Variants in HIGD1A observed in about 807,000 individuals in gnomAD.
HIGD1A encodes HIG1 domain family member 1A, mitochondrial.
In HIGD1A, 8 loss-of-function variants were observed where a neutral mutation model predicts 11.3. The ratio of observed to expected loss-of-function variants is 0.71; its 90% CI spans 0.42 to 1.28. HIGD1A has a LOEUF of 1.28. Among genes scored for constraint, HIGD1A ranks in the 50% most tolerant of loss-of-function variants. The pLI, the probability that HIGD1A is intolerant of heterozygous loss-of-function variation, is 0.01. For missense variants in HIGD1A, 107 were observed against 118.8 expected (o/e 0.90, Z 0.46); for synonymous variants, 32 against 38.4 (o/e 0.83, Z 0.62).
Position 42,784,651 on chromosome 3 carries a change from C to CA in HIGD1A, c.*619dup, listed in dbSNP as rs1700326989. 1 of 152,548 alleles carries CA rather than the reference C, an allele frequency of 6.6e-6. No individual in the cohort carries two copies. The highest frequency in any genetic ancestry group is 2.4e-5 in the African/African-American group (1 of 41,412). 9.4% of individuals were successfully genotyped at this position (152,548 alleles called of 1,614,324 possible). A position where few individuals can be genotyped will look rare whatever the true frequency, so the allele number is the denominator to read the frequency against. On this transcript the variant is annotated 3_prime_UTR_variant, in exon 4 of 4. Coordinates refer to ENST00000321331, the MANE Select transcript of HIGD1A (RefSeq NM_014056.4). Reference sequence around the variant, plus strand: ...GCAGCAAAAATATAATTTGCAATTACAAAAAACTAAACTAGAATCCTTAAA... The same window carrying CA: ...GCAGCAAAAATATAATTTGCAATTACAAAAAAACTAAACTAGAATCCTTAAA...
chr3:42,800,998 A>C (rs1390047253), intron 1 of HIGD1A, among the ~76,000 whole-genome samples: 1 of 152,160 alleles, frequency 6.6e-6, no homozygotes, highest in African/African-American at 2.4e-5. Context: ...TAAATCGTCC[A>C]AATTCTTTTC....
At chr3:42,786,204 G>A in intron 2 of HIGD1A, 42 bp from the exon 3 acceptor site, 4 of 1,604,600 alleles carry the variant, frequency 2.5e-6, no homozygotes, top group Non-Finnish European at 3.4e-6. Flanking sequence ...CATGAGAAGG[G>A]ACCAAGATGA....
chr3:42,791,902 A>G (rs905830793), intron 2 of HIGD1A, among the ~76,000 whole-genome samples: 8 of 152,244 alleles, frequency 5.3e-5, no homozygotes, highest in African/African-American at 1.9e-4. Flanking sequence ...GGGAATATAC[A>G]ACCAAAAAAT....
At chr3:42,785,937 TA>T in intron 3 of HIGD1A, 90 bp downstream of exon 3, 1 of 1,201,644 alleles carries the variant, frequency 8.3e-7, no homozygotes, top group Non-Finnish European at 1.2e-6. Flanking sequence ...CTCCAACTGC[TA>T]AAAGGTCAGC....
intron 2 of HIGD1A, among the ~76,000 whole-genome samples, chr3:42,790,536 A>G (rs1280891892): frequency 6.6e-6 from 1 of 152,228 alleles, no homozygotes; most frequent in African/African-American, 2.4e-5. Flanking sequence ...CCGTCTCGAA[A>G]GAAAGAAAGA....
intron 2 of HIGD1A, among the ~76,000 whole-genome samples, chr3:42,789,813 C>T (rs1055640182): frequency 3.3e-5 from 5 of 151,994 alleles, no homozygotes; most frequent in Non-Finnish European, 7.4e-5. Context: ...CTTCGACCTC[C>T]CAGGCTCAAG....
chr3:42,801,270 C>G (rs1700557140), intron 1 of HIGD1A, among the ~76,000 whole-genome samples: 1 of 152,226 alleles, frequency 6.6e-6, no homozygotes. Flanking sequence ...TGGGTGCCAC[C>G]ATACTGGACT....
In HIGD1A at chr3:42,786,042, C is replaced by G; in HGVS notation, c.218G>C (p.Gly73Ala). The change falls in exon 3 of 4, where the codon GGA becomes GCA. Residue 73 changes from glycine to alanine, a missense_variant. By Grantham distance (60) the Gly-to-Ala change is moderately conservative (BLOSUM62 0). Coordinates refer to ENST00000321331, the MANE Select transcript of HIGD1A (RefSeq NM_014056.4). The part of the protein sequence containing the change: ...MRVAAQGFVV[G>A]AMTVGMGYSM... The stretch of plus-strand genomic sequence containing the variant: ...TAGGAACCTACCAACAGTCATTGCT[C>G]CTACAACAAAGCCTTGGGCTGCCAC... 1 of 1,612,624 alleles carries G rather than the reference C, an allele frequency of 6.2e-7. No homozygotes were observed. The highest frequency in any genetic ancestry group is 8.5e-7 in the Non-Finnish European group (1 of 1,179,962).
intron 1 of HIGD1A, among the ~76,000 whole-genome samples, chr3:42,800,566 CA>C (rs1436787857): frequency 6.6e-6 from 1 of 151,398 alleles, no homozygotes; most frequent in African/African-American, 2.4e-5. Flanking sequence ...TAACTCCTCC[CA>C]TTTTTTTTTT....
intron 1 of HIGD1A, among the ~76,000 whole-genome samples, chr3:42,795,219 CTTT>C (rs5848631): frequency 2.2e-4 from 28 of 127,594 alleles, no homozygotes; most frequent in Admixed American, 4.7e-4. Context: ...TTATGATTAG[CTTT>C]TTTTTTTTTT....
At chr3:42,790,488 G>A (rs2125924663) in intron 2 of HIGD1A, among the ~76,000 whole-genome samples, 1 of 152,282 alleles carries the variant, frequency 6.6e-6, no homozygotes, top group African/African-American at 2.4e-5. Flanking sequence ...AGCTGAGATT[G>A]TGCCACTGCA....
At chr3:42,803,311 C>A (rs1700593077) in intron 1 of HIGD1A, among the ~76,000 whole-genome samples, 1 of 152,208 alleles carries the variant, frequency 6.6e-6, no homozygotes, top group Admixed American at 6.5e-5. Flanking sequence ...AATGAAGGAT[C>A]TTTCTTCACA....
chr3:42,794,674 T>C (rs150096617), intron 1 of HIGD1A, among the ~76,000 whole-genome samples: 9 of 152,340 alleles, frequency 5.9e-5, no homozygotes, highest in South Asian at 4.1e-4. Context: ...ACAACTCCTA[T>C]TGAACCTTCA....
chr3:42,786,177 A>C lies in HIGD1A; in HGVS notation c.98-15T>G. On this transcript the variant is annotated splice_polypyrimidine_tract_variant and intron_variant, in intron 2 of 3. Coordinates refer to ENST00000321331, the MANE Select transcript of HIGD1A (RefSeq NM_014056.4). ...ACCCGCTATTCCTGTAAAACAAAGT[A>C]ACAAGTATGTCAGATGCATGAGAAG... 1 of 1,613,968 alleles carries C rather than the reference A, an allele frequency of 6.2e-7. No individual in the cohort carries two copies. The highest frequency in any genetic ancestry group is 1.7e-4 in the Middle Eastern group (1 of 6,058).
At chr3:42,794,381 T>C (rs1700468224) in intron 1 of HIGD1A, 106 bp from the exon 2 acceptor site, 2 of 1,077,508 alleles carry the variant, frequency 1.9e-6, no homozygotes, top group Middle Eastern at 2.1e-4. Flanking sequence ...TCTTAGTATA[T>C]GTTATCCATA....
intron 1 of HIGD1A, among the ~76,000 whole-genome samples, chr3:42,801,102 C>T (rs1700554051): frequency 6.6e-6 from 1 of 152,194 alleles, no homozygotes; most frequent in African/African-American, 2.4e-5. Context: ...CCATCAAAGA[C>T]TCAAAGTTGT....
intron 1 of HIGD1A, among the ~76,000 whole-genome samples, chr3:42,796,448 A>T (rs60899296): frequency 0.74 from 98,690 of 134,236 alleles, 33,090 homozygotes; most frequent in African/African-American, 0.81. Context: ...TTTTTTTTTA[A>T]AAAAAAAAGA....
chr3:42,794,152 C>G lies in HIGD1A; in HGVS notation c.97+5G>C. The G allele has an allele frequency of 1.3e-6, 2 of 1,599,074 alleles. No individual in the cohort carries two copies. Among genetic ancestry groups the G allele is most frequent in the Non-Finnish European group, 1.7e-6 (2 of 1,175,748 alleles). On this transcript the variant is annotated splice_donor_5th_base_variant and intron_variant, in intron 2 of 3. Coordinates refer to ENST00000321331, the MANE Select transcript of HIGD1A (RefSeq NM_014056.4). ...CAAGACTACTAAAATGTCAGTCAAACTTACCAACGGGTACGAATGGTGCCT... is the reference window on the plus strand; with the variant it reads ...CAAGACTACTAAAATGTCAGTCAAAGTTACCAACGGGTACGAATGGTGCCT...
intron 1 of HIGD1A, among the ~76,000 whole-genome samples, chr3:42,795,956 A>G (rs1385951667): frequency 6.6e-6 from 1 of 151,030 alleles, no homozygotes; most frequent in Non-Finnish European, 1.5e-5. Context: ...ACAAGTCTCT[A>G]ATTAGTGTCA....
Sources: gnomAD v4.1 joint callset for allele counts (sites outside exome capture counted in the v4.1 genomes callset) on GRCh38, gnomAD v4.1.1 for gene constraint, MANE v1.5 for transcripts, NCBI Gene and HGNC (gene_info 2026-07-23, HGNC 2026-07-21) for gene names.